The following SLIT2 variants were observed in gnomAD, a reference collection of about 807,000 sequenced individuals.
SLIT2 encodes the protein slit guidance ligand 2, also known as slit homolog 2 protein.
In SLIT2, 41 loss-of-function variants were observed where a neutral mutation model predicts 185.7. That is an observed-to-expected ratio of 0.22 (90% CI 0.17 to 0.29). SLIT2 has a LOEUF of 0.29. Among genes scored for constraint, SLIT2 ranks in the 10% least tolerant of loss-of-function variants. The probability of loss-of-function intolerance (pLI) is 1.00; values close to 1 mark genes in which losing one functional copy is unlikely to be tolerated. For missense variants in SLIT2, 1,571 were observed against 1,909.0 expected, an observed-to-expected ratio of 0.82 and a Z score of 3.30; for synonymous variants, 693 against 680.2, an observed-to-expected ratio of 1.02 and a Z score of -0.29.
chr4:20,441,299 A>G (rs1729717795), intron 4 of SLIT2, among the ~76,000 whole-genome samples: 1 of 152,112 alleles, frequency 6.6e-6, no homozygotes, highest in South Asian at 2.1e-4. Flanking sequence ...GGCACAGGAT[A>G]CTGTTTTCTT....
intron 4 of SLIT2, among the ~76,000 whole-genome samples, chr4:20,363,509 A>C (rs1317598324): frequency 1.3e-5 from 2 of 152,132 alleles, no homozygotes; most frequent in Non-Finnish European, 2.9e-5. Context: ...TCCATTGGGC[A>C]TTCAGTTTGG....
At chr4:20,385,833 A>G (rs1724889088) in intron 4 of SLIT2, among the ~76,000 whole-genome samples, 1 of 152,176 alleles carries the variant, frequency 6.6e-6, no homozygotes, top group African/African-American at 2.4e-5. Context: ...CTTGGGAGAA[A>G]TAAAACCATA....
At chr4:20,503,268 A>G (rs1718899272) in intron 9 of SLIT2, among the ~76,000 whole-genome samples, 1 of 152,178 alleles carries the variant, frequency 6.6e-6, no homozygotes, top group Non-Finnish European at 1.5e-5. Flanking sequence ...AACTCAGTGC[A>G]GGGGTGGAGA....
chr4:20,556,771 G>A (rs192895093), intron 26 of SLIT2, among the ~76,000 whole-genome samples: 4 of 152,176 alleles, frequency 2.6e-5, no homozygotes, highest in Admixed American at 2.0e-4. Flanking sequence ...GGAAGGCCAC[G>A]TTGAAAGCCG....
At chr4:20,373,705 T>G (rs2109323693) in intron 4 of SLIT2, among the ~76,000 whole-genome samples, 1 of 152,166 alleles carries the variant, frequency 6.6e-6, no homozygotes, top group East Asian at 1.9e-4. Context: ...GGACCACAAA[T>G]ATATAAATGA....
In SLIT2 at chr4:20,437,233, A is replaced by C. The variant is rs572784332; in HGVS notation, c.396-30519A>C. 2.0e-5 allele frequency among the ~76,000 whole-genome samples: 3 copies of C among 152,204 alleles called. No homozygotes were observed. In the East Asian group the frequency reaches 5.8e-4, roughly 30 times the overall value. On this transcript the variant is annotated intron_variant, in intron 4 of 36. Transcript: ENST00000504154. Reference sequence around the variant, plus strand: ...AGAATCTCCATCTTAACATGTGCAAAACTGAATTTCTGGTGCCATCTCCCA... The same window carrying C: ...AGAATCTCCATCTTAACATGTGCAACACTGAATTTCTGGTGCCATCTCCCA...
At position 20,253,997 on chromosome 4, in the gene SLIT2, G is replaced by A. The variant is rs13103320; in HGVS notation, c.179+3G>A. 0.019 allele frequency: 29,648 copies of A among 1,600,262 alleles called. 700 individuals are homozygous for A. The highest frequency in any genetic ancestry group is 0.095 in the South Asian group (8,670 of 90,954). ...ATCCCCCGCAACACCGAGAGACTGTGAGTATGCGCTCTTCGTCTTCCCCTC... is the reference window on the plus strand; with the variant it reads ...ATCCCCCGCAACACCGAGAGACTGTAAGTATGCGCTCTTCGTCTTCCCCTC... On this transcript the variant is annotated splice_donor_region_variant and intron_variant, in intron 1 of 36. Coordinates refer to ENST00000504154, the MANE Select transcript of SLIT2 (RefSeq NM_004787.4).
chr4:20,542,683 A>G, intron 21 of SLIT2, 57 bp downstream of exon 21: 2 of 1,574,622 alleles, frequency 1.3e-6, no homozygotes, highest in Non-Finnish European at 1.7e-6. Context: ...AATGTTTCAT[A>G]CACCCAGAGG....
At chr4:20,428,852 C>G (rs1478812115) in intron 4 of SLIT2, among the ~76,000 whole-genome samples, 1 of 152,214 alleles carries the variant, frequency 6.6e-6, no homozygotes, top group Non-Finnish European at 1.5e-5. Context: ...AAAGTGGCAT[C>G]TGTCCTGCTC....
At position 20,295,562 on chromosome 4, in the gene SLIT2, A is replaced by G. The variant is rs201568225; in HGVS notation, c.395+26681A>G. On this transcript the variant is annotated intron_variant, in intron 4 of 36. Coordinates refer to ENST00000504154, the MANE Select transcript of SLIT2 (RefSeq NM_004787.4). ...CGTCAGCTCTCTTAGTAGTAAGTCAATCCAAACCAACTCCTTCATTGCCAA... is the reference window on the plus strand; with the variant it reads ...CGTCAGCTCTCTTAGTAGTAAGTCAGTCCAAACCAACTCCTTCATTGCCAA... 3.9e-5 allele frequency among the ~76,000 whole-genome samples: 6 copies of G among 152,298 alleles called. No individual in the cohort carries two copies. The East Asian group carries it at 7.7e-4, about 20-fold the overall frequency.
intron 29 of SLIT2, among the ~76,000 whole-genome samples, chr4:20,574,479 A>G (rs907278322): frequency 2.0e-5 from 3 of 152,148 alleles, no homozygotes; most frequent in African/African-American, 4.8e-5. Context: ...TTGCAGTTGG[A>G]TTATGAGGAT....
chr4:20,336,191 A>G (rs1451247152), intron 4 of SLIT2, among the ~76,000 whole-genome samples: 1 of 152,128 alleles, frequency 6.6e-6, no homozygotes, highest in African/African-American at 2.4e-5. Context: ...CTCCCAGGAG[A>G]AGCCTCCCCA....
intron 4 of SLIT2, among the ~76,000 whole-genome samples, chr4:20,294,589 T>C (rs1046928679): frequency 6.6e-6 from 1 of 152,182 alleles, no homozygotes; most frequent in East Asian, 1.9e-4. Context: ...TAGTTTTGGC[T>C]CTAAGAGGAA....
At chr4:20,437,479 G>A (rs548653876) in intron 4 of SLIT2, among the ~76,000 whole-genome samples, 1 of 152,186 alleles carries the variant, frequency 6.6e-6, no homozygotes, top group African/African-American at 2.4e-5. Context: ...TCTGTGTGTC[G>A]ATGTGTGCCT....
chr4:20,554,585 G>A (rs1724075940), intron 26 of SLIT2, among the ~76,000 whole-genome samples: 1 of 152,034 alleles, frequency 6.6e-6, no homozygotes. Context: ...TTTATTTTCT[G>A]CAAGAAGAAA....
intron 19 of SLIT2, among the ~76,000 whole-genome samples, chr4:20,540,319 G>C (rs1275378259): frequency 1.3e-5 from 2 of 151,414 alleles, no homozygotes; most frequent in African/African-American, 2.4e-5. Context: ...CATTTGAAAT[G>C]ACAGTAGATA....
chr4:20,594,395 G>C (rs73801878), intron 30 of SLIT2, among the ~76,000 whole-genome samples: 1 of 151,802 alleles, frequency 6.6e-6, no homozygotes, highest in Middle Eastern at 3.4e-3. Flanking sequence ...GTATGTGTAT[G>C]TGTGTGTATA....
At position 20,253,630 on chromosome 4, in the gene SLIT2, G is replaced by A; in HGVS notation, c.-186G>A. 1.9e-6 allele frequency: 1 copy of A among 524,694 alleles called. No individual in the cohort carries two copies. The highest frequency in any genetic ancestry group is 3.2e-6 in the Non-Finnish European group (1 of 311,736). 32.5% of individuals were successfully genotyped at this position (524,694 alleles called of 1,614,324 possible). On this transcript the variant is annotated 5_prime_UTR_variant, in exon 1 of 37. Coordinates refer to ENST00000504154, the MANE Select transcript of SLIT2 (RefSeq NM_004787.4). ...GCTCTGCCAGAGGAGGGTGGAGAGG[G>A]CGGTGGGAGGCGTGTGCCTGAGTGG...
chr4:20,467,611 A>T, intron 4 of SLIT2, 141 bp from the exon 5 acceptor site: 1 of 438,388 alleles, frequency 2.3e-6, no homozygotes, highest in Admixed American at 4.2e-5. Context: ...GAAACTGCAT[A>T]TAATGCTATG....
Sources: allele counts gnomAD v4.1 joint callset (sites outside exome capture counted in the v4.1 genomes callset), GRCh38; gene constraint gnomAD v4.1.1; transcripts MANE v1.5; gene names NCBI Gene and HGNC (gene_info 2026-07-23, HGNC 2026-07-21).